FIRRM: variants seen among roughly 807,000 people sequenced by gnomAD.
FIRRM encodes FIGNL1-interacting regulator of recombination and mitosis.
chr1:169,787,474 T>C, the FIRRM span, among the ~76,000 whole-genome samples: 1 of 152,208 alleles, frequency 6.6e-6, no homozygotes, highest in Non-Finnish European at 1.5e-5. Context: ...TTCTGTTAGA[T>C]TAGAATCCTC....
chr1:169,822,759 C>A, the FIRRM span, among the ~76,000 whole-genome samples: 1 of 151,958 alleles, frequency 6.6e-6, no homozygotes, highest in African/African-American at 2.4e-5. Context: ...CCTGCCCTCC[C>A]AAAATGCTGG....
chr1:169,834,412 G>A, the FIRRM span, among the ~76,000 whole-genome samples: 1 of 152,210 alleles, frequency 6.6e-6, no homozygotes, highest in East Asian at 1.9e-4. Context: ...AACTTGATAA[G>A]ATACACATAT....
At chr1:169,827,028 G>A in the FIRRM span, 1 of 1,604,852 alleles carries the variant, frequency 6.2e-7, no homozygotes, top group South Asian at 1.1e-5. Flanking sequence ...TAATGAATGA[G>A]TTTTTTTTCT....
At chr1:169,852,509 A>C in the FIRRM span, 2 of 421,980 alleles carry the variant, frequency 4.7e-6, no homozygotes, top group Non-Finnish European at 4.2e-6. Flanking sequence ...GTAAGCTTGG[A>C]CTATGCAGCA....
chr1:169,795,411 C>G, the FIRRM span: 1 of 1,402,224 alleles, frequency 7.1e-7, no homozygotes, highest in African/African-American at 1.5e-5. Context: ...TTAAGTAAGG[C>G]TTTGGCCCTG....
At chr1:169,848,507 C>T in the FIRRM span, among the ~76,000 whole-genome samples, 3 of 152,176 alleles carry the variant, frequency 2.0e-5, no homozygotes, top group African/African-American at 7.2e-5. Context: ...TAGACAGTAT[C>T]TCAGAACATG....
chr1:169,840,330 T>C, the FIRRM span, among the ~76,000 whole-genome samples: 5 of 152,296 alleles, frequency 3.3e-5, no homozygotes, highest in African/African-American at 1.2e-4. Flanking sequence ...GCCATTTTAA[T>C]GATACTGACT....
chr1:169,825,568 T>C, the FIRRM span, among the ~76,000 whole-genome samples: 1 of 152,236 alleles, frequency 6.6e-6, no homozygotes, highest in African/African-American at 2.4e-5. Flanking sequence ...ATTCTTGCAA[T>C]GATGCTCAGT....
chr1:169,793,299 T>C, the FIRRM span: 1 of 1,614,090 alleles, frequency 6.2e-7, no homozygotes, highest in Non-Finnish European at 8.5e-7. Context: ...AAGATGGTTT[T>C]CACTACTGAT....
the FIRRM span, chr1:169,804,475 A>G: frequency 7.6e-3 from 2,029 of 268,664 alleles, 14 homozygotes; most frequent in Non-Finnish European, 0.011. Flanking sequence ...TAACTTATAT[A>G]ACTTTATAAT....
the FIRRM span, chr1:169,829,550 A>G: frequency 2.9e-5 from 32 of 1,110,980 alleles, no homozygotes; most frequent in East Asian, 1.8e-4. Context: ...AATACTTAGT[A>G]TATTCCTTTT....
At chr1:169,798,854 TAG>T in the FIRRM span, 1 of 951,148 alleles carries the variant, frequency 1.1e-6, no homozygotes, top group Admixed American at 3.8e-5. Flanking sequence ...ATTTTTTTTT[TAG>T]GTTTGTTCTG....
At chr1:169,813,516 T>C in the FIRRM span, among the ~76,000 whole-genome samples, 1 of 152,256 alleles carries the variant, frequency 6.6e-6, no homozygotes, top group African/African-American at 2.4e-5. Flanking sequence ...GGAAAGGTTT[T>C]GATTTATTTT....
At chr1:169,787,592 T>C in the FIRRM span, among the ~76,000 whole-genome samples, 4 of 152,208 alleles carry the variant, frequency 2.6e-5, no homozygotes, top group African/African-American at 9.7e-5. Flanking sequence ...GTTAAGACTA[T>C]TTTCTCCCCA....
At chr1:169,803,820 G>C in the FIRRM span, among the ~76,000 whole-genome samples, 3 of 152,216 alleles carry the variant, frequency 2.0e-5, no homozygotes, top group African/African-American at 7.2e-5. Flanking sequence ...TTGCTGATAG[G>C]ATGCTAAAAA....
the FIRRM span, among the ~76,000 whole-genome samples, chr1:169,820,719 T>C: frequency 2.6e-5 from 4 of 152,200 alleles, no homozygotes; most frequent in Non-Finnish European, 4.4e-5. Flanking sequence ...ACCCCACTAC[T>C]TAACGAAAGT....
chr1:169,846,369 C>A, the FIRRM span, among the ~76,000 whole-genome samples: 2 of 152,024 alleles, frequency 1.3e-5, no homozygotes, highest in African/African-American at 4.8e-5. Context: ...GCTGCATTAG[C>A]CCCCAAGAAG....
the FIRRM span, among the ~76,000 whole-genome samples, chr1:169,805,229 G>A: frequency 6.6e-6 from 1 of 152,298 alleles, no homozygotes; most frequent in Admixed American, 6.5e-5. Flanking sequence ...CTGCAGTTTA[G>A]GGTGGGATGT....
chr1:169,847,636 C>A, the FIRRM span: 1 of 1,257,512 alleles, frequency 8.0e-7, no homozygotes, highest in Non-Finnish European at 1.1e-6. Flanking sequence ...GTTATTGTGT[C>A]TGTACAAAAT....
Sources: allele counts gnomAD v4.1 joint callset (sites outside exome capture counted in the v4.1 genomes callset), GRCh38; gene constraint gnomAD v4.1.1; transcripts MANE v1.5; gene names NCBI Gene and HGNC (gene_info 2026-07-23, HGNC 2026-07-21).